Variants in SPOCK1 observed in about 807,000 individuals in gnomAD.
SPOCK1 encodes testican-1.
A neutral mutation model predicts 55.3 loss-of-function variants in SPOCK1; 23 were observed. That is an observed-to-expected ratio of 0.42 (90% CI 0.30 to 0.59). SPOCK1 has a LOEUF of 0.59. Among genes scored for constraint, SPOCK1 ranks in the 20% least tolerant of loss-of-function variants. The pLI is 0.22. For missense variants in SPOCK1, 499 were observed against 552.5 expected, an observed-to-expected ratio of 0.90 and a Z score of 0.97; for synonymous variants, 226 against 221.0, an observed-to-expected ratio of 1.02 and a Z score of -0.20.
At chr5:137,330,700 T>G (rs1382797275) in intron 2 of SPOCK1, among the ~76,000 whole-genome samples, 1 of 152,234 alleles carries the variant, frequency 6.6e-6, no homozygotes, top group African/African-American at 2.4e-5. Flanking sequence ...AATGTTCTAA[T>G]GCACTCCACC....
At chr5:136,979,660 C>T (rs770543412) in intron 9 of SPOCK1, among the ~76,000 whole-genome samples, 191 bp from the exon 10 acceptor site, 2 of 152,122 alleles carry the variant, frequency 1.3e-5, no homozygotes, top group Non-Finnish European at 2.9e-5. Flanking sequence ...ACGCGATGAG[C>T]TCTAAGGATG....
chr5:137,092,323 G>A (rs1233183348), intron 5 of SPOCK1, among the ~76,000 whole-genome samples: 4 of 152,208 alleles, frequency 2.6e-5, no homozygotes, highest in Non-Finnish European at 4.4e-5. Flanking sequence ...GAGCTGGTTC[G>A]CCCTCAGGGA....
chr5:137,051,938 G>A (rs1752215225), intron 6 of SPOCK1, among the ~76,000 whole-genome samples: 2 of 152,156 alleles, frequency 1.3e-5, no homozygotes, highest in Non-Finnish European at 2.9e-5. Flanking sequence ...TGAAAACTCT[G>A]TACTCCCCAG....
At chr5:137,006,038 G>C (rs1257772971) in intron 6 of SPOCK1, among the ~76,000 whole-genome samples, 2 of 152,154 alleles carry the variant, frequency 1.3e-5, no homozygotes, top group Non-Finnish European at 2.9e-5. Context: ...TATTTCTGAA[G>C]CCTCTGTTCT....
intron 3 of SPOCK1, among the ~76,000 whole-genome samples, chr5:137,261,360 C>T (rs1436305002): frequency 6.6e-6 from 1 of 152,174 alleles, no homozygotes; most frequent in African/African-American, 2.4e-5. Flanking sequence ...CTGTGATAAT[C>T]CACTGGGCTG....
chr5:137,003,529 C>T (rs1227581689), intron 6 of SPOCK1, among the ~76,000 whole-genome samples: 1 of 152,136 alleles, frequency 6.6e-6, no homozygotes, highest in Non-Finnish European at 1.5e-5. Flanking sequence ...AAAGGTAGCA[C>T]CGCTTGTTCC....
At position 137,148,662 on chromosome 5, in the gene SPOCK1, C is replaced by G. The variant is rs377604567; in HGVS notation, c.233-7968G>C. ...TAGGGGGCTGACATGGAGACAATGA[C>G]AACGACCAACTATAGAATAATGTAC... is the stretch of plus-strand genomic sequence containing the variant. On this transcript the variant is annotated intron_variant, in intron 3 of 10. Transcript: ENST00000394945. Among the ~76,000 whole-genome samples, 7 of 152,186 alleles carry G rather than the reference C, an allele frequency of 4.6e-5. 1 individual carries two copies. In the East Asian group the frequency reaches 7.7e-4, roughly 17 times the overall value.
intron 5 of SPOCK1, among the ~76,000 whole-genome samples, chr5:137,097,865 C>G (rs1753183479): frequency 2.0e-5 from 3 of 152,132 alleles, no homozygotes; most frequent in South Asian, 4.1e-4. Flanking sequence ...AAGAGTCTGC[C>G]CTCAACCAGA....
rs1753564824 is a variant in SPOCK1 at position 137,115,729 on chromosome 5, C to A, written c.348-3168G>T. Among the ~76,000 whole-genome samples, 3 of 152,286 alleles carry A rather than the reference C, an allele frequency of 2.0e-5. No homozygotes were observed. In the South Asian group the frequency reaches 6.2e-4, roughly 32 times the overall value. ...TTGCTTACCTCCACAAGGTAGGACT[C>A]TAGTGGAGATAGCACATGATTCTGA... On this transcript the variant is annotated intron_variant, in intron 4 of 10. Coordinates refer to ENST00000394945, the MANE Select transcript of SPOCK1 (RefSeq NM_004598.4).
intron 2 of SPOCK1, among the ~76,000 whole-genome samples, chr5:137,322,307 T>C (rs1757994164): frequency 6.7e-6 from 1 of 148,440 alleles, no homozygotes; most frequent in African/African-American, 2.5e-5. Flanking sequence ...CACTCCAGCC[T>C]GGGCATCAGA....
At chr5:137,102,506 G>A (rs1753289898) in intron 5 of SPOCK1, among the ~76,000 whole-genome samples, 1 of 152,128 alleles carries the variant, frequency 6.6e-6, no homozygotes. Context: ...CTAAGGCCTG[G>A]CTACCCCAAT....
At position 137,199,357 on chromosome 5, in the gene SPOCK1, G is replaced by T. The variant is rs139242630; in HGVS notation, c.233-58663C>A. 8.4e-3 allele frequency among the ~76,000 whole-genome samples: 1,281 copies of T among 152,234 alleles called. 19 individuals carry two copies. The highest frequency in any genetic ancestry group is 0.028 in the African/African-American group (1,181 of 41,530). The stretch of plus-strand genomic sequence containing the variant: ...CTTCACCTCATGGATTCCCATCTCA[G>T]CTGTGGTTTTTGTTCTCTGCGTAGT... On this transcript the variant is annotated intron_variant, in intron 3 of 10. Coordinates refer to ENST00000394945, the MANE Select transcript of SPOCK1 (RefSeq NM_004598.4).
chr5:137,348,002 G>A (rs1421596296), intron 2 of SPOCK1, among the ~76,000 whole-genome samples: 2 of 152,156 alleles, frequency 1.3e-5, no homozygotes, highest in Non-Finnish European at 2.9e-5. Flanking sequence ...GGCTTGCTGC[G>A]TTTCTATCCA....
At chr5:137,178,364 T>C (rs1475073971) in intron 3 of SPOCK1, among the ~76,000 whole-genome samples, 2 of 152,236 alleles carry the variant, frequency 1.3e-5, no homozygotes, top group East Asian at 3.9e-4. Context: ...TGAGTAGCAC[T>C]GTTGGGGCAG....
chr5:136,991,128 G>T (rs1750940670), intron 7 of SPOCK1, among the ~76,000 whole-genome samples: 2 of 152,170 alleles, frequency 1.3e-5, no homozygotes, highest in South Asian at 4.2e-4. Flanking sequence ...GCAAAGGCAG[G>T]TCTTCTGGAG....
In SPOCK1 at chr5:137,498,431, T is replaced by C; in HGVS notation, c.128A>G (p.Gln43Arg). 1 of 1,610,946 alleles carries C rather than the reference T, an allele frequency of 6.2e-7. No homozygotes were observed. The highest frequency in any genetic ancestry group is 8.5e-7 in the Non-Finnish European group (1 of 1,178,796). The change falls in exon 2 of 11, where the codon CAG (glutamine) becomes CGG (arginine). Residue 43 changes from glutamine (Q) to arginine (R), a missense_variant. Coordinates refer to ENST00000394945, the MANE Select transcript of SPOCK1 (RefSeq NM_004598.4). ...PNHGNFLDND[Q>R]WLSTVSQYDR... The stretch of plus-strand genomic sequence containing the variant: ...GTACTGGGAGACGGTGCTCAGCCAC[T>C]GGTCATTGTCTAGGAAATTGCCGTG...
intron 6 of SPOCK1, among the ~76,000 whole-genome samples, chr5:136,999,077 T>C (rs988418825): frequency 5.3e-5 from 8 of 152,210 alleles, no homozygotes; most frequent in Non-Finnish European, 2.9e-5. Context: ...TGGAGCTTTA[T>C]AGGGCTTTAA....
chr5:137,037,552 C>T (rs1751907844), intron 6 of SPOCK1, among the ~76,000 whole-genome samples: 1 of 152,088 alleles, frequency 6.6e-6, no homozygotes, highest in East Asian at 1.9e-4. Context: ...AAATGCCTAA[C>T]ATCTAAGTGG....
At chr5:137,302,999 C>T (rs1178619322) in intron 2 of SPOCK1, among the ~76,000 whole-genome samples, 1 of 152,138 alleles carries the variant, frequency 6.6e-6, no homozygotes, top group African/African-American at 2.4e-5. Flanking sequence ...AAGGTAATAT[C>T]ATTTCCATCT....
Sources: allele counts gnomAD v4.1 joint callset (sites outside exome capture counted in the v4.1 genomes callset), GRCh38; gene constraint gnomAD v4.1.1; transcripts MANE v1.5; gene names NCBI Gene and HGNC (gene_info 2026-07-23, HGNC 2026-07-21).